The following MRPL15 variants were observed in gnomAD, a reference collection of about 807,000 sequenced individuals.
The protein encoded by MRPL15 is mitochondrial ribosomal protein L15.
A neutral mutation model predicts 28.0 loss-of-function variants in MRPL15; 24 were observed. That is an observed-to-expected ratio of 0.86 (90% confidence interval 0.62 to 1.21). The LOEUF (loss-of-function observed/expected upper bound fraction) is 1.21. MRPL15 is among the 50% of genes most tolerant of loss of function. The probability of loss-of-function intolerance (pLI) is 0.00; values close to 1 mark genes in which losing one functional copy is unlikely to be tolerated. For synonymous variants in MRPL15, 124 were observed against 137.0 expected, an observed-to-expected ratio of 0.90 and a Z score of 0.66; for missense variants, 343 against 372.4, an observed-to-expected ratio of 0.92 and a Z score of 0.65.
At position 54,135,351 on chromosome 8, in the gene MRPL15, G is replaced by C; in HGVS notation, c.68G>C (p.Ser23Thr). ...LDLLRGLPRV[S>T]LANLKPNPGS... ...CTACTCCGGGGCCTGCCGCGTGTGA[G>C]CCTGGCCAACTTAAAGCCGAATCCC... is the stretch of plus-strand genomic sequence containing the variant. The change falls in exon 1 of 5, where the codon AGC becomes ACC. Residue 23 changes from serine (S) to threonine (T), a missense_variant. Physicochemically the swap from Ser to Thr is moderately conservative, Grantham distance 58. Transcript: ENST00000260102. 1 of 1,519,518 alleles carries C rather than the reference G, an allele frequency of 6.6e-7. No homozygotes were observed. The highest frequency in any genetic ancestry group is 8.8e-7 in the Non-Finnish European group (1 of 1,130,670). The allele number at this position is 1,519,518 out of a possible 1,614,324, so 94.1% of individuals were successfully genotyped here.
chr8:54,147,889 C>T lies in MRPL15; in HGVS notation c.*170C>T. Reference sequence around the variant, plus strand: ...AAAATTAAATGGCAGGAAACAAGGACTGCATAGAGAAACTGAGTCTGTGTG... The same window carrying T: ...AAAATTAAATGGCAGGAAACAAGGATTGCATAGAGAAACTGAGTCTGTGTG... On this transcript the variant is annotated 3_prime_UTR_variant, in exon 5 of 5. Transcript: ENST00000260102. 3.3e-6 allele frequency: 2 copies of T among 607,940 alleles called. No individual in the cohort carries two copies. Among genetic ancestry groups the T allele is most frequent in the Non-Finnish European group, 5.5e-6 (2 of 363,180 alleles). 37.7% of individuals were successfully genotyped at this position (607,940 alleles called of 1,614,324 possible). A position where few individuals can be genotyped will look rare whatever the true frequency, so the allele number is the denominator to read the frequency against.
rs1222333384 is a variant in MRPL15, at chr8:54,148,510, C to T, written c.*791C>T. Among the ~76,000 whole-genome samples the T allele has an allele frequency of 1.3e-5, 2 of 152,192 alleles. No individual in the cohort carries two copies. Among genetic ancestry groups the T allele is most frequent in the Non-Finnish European group, 2.9e-5 (2 of 68,038 alleles). ...GGGTCACGGAAGAGAACTGTGGAACCCAGTGACTAGTGTTCAGCTCGATTA... is the reference window on the plus strand; with the variant it reads ...GGGTCACGGAAGAGAACTGTGGAACTCAGTGACTAGTGTTCAGCTCGATTA... On this transcript the variant is annotated 3_prime_UTR_variant, in exon 5 of 5. Transcript: ENST00000260102.
At chr8:54,147,299 A>C in intron 4 of MRPL15, 83 bp from the exon 5 acceptor site, 1 of 997,702 alleles carries the variant, frequency 1.0e-6, no homozygotes, top group Non-Finnish European at 1.5e-6. Flanking sequence ...ACAGAGTTAC[A>C]TCTCTATGTT....
intron 3 of MRPL15, among the ~76,000 whole-genome samples, chr8:54,138,044 T>A (rs1197766509): frequency 6.6e-6 from 1 of 151,886 alleles, no homozygotes; most frequent in Non-Finnish European, 1.5e-5. Context: ...AACCTCTGCC[T>A]CCTGGGTTCA....
intron 3 of MRPL15, 106 bp from the exon 4 acceptor site, chr8:54,142,557 T>A (rs1810947410): frequency 7.5e-7 from 1 of 1,339,132 alleles, no homozygotes; most frequent in Non-Finnish European, 1.0e-6. Context: ...TATTGTTATG[T>A]TATAGGCACT....
At chr8:54,147,167 G>A (rs531593391) in intron 4 of MRPL15, among the ~76,000 whole-genome samples, 1 of 152,280 alleles carries the variant, frequency 6.6e-6, no homozygotes, top group South Asian at 2.1e-4. Context: ...ATGAGGCAGA[G>A]GTTGCAGTGA....
intron 3 of MRPL15, among the ~76,000 whole-genome samples, chr8:54,138,103 C>A (rs534251532): frequency 6.6e-6 from 1 of 151,078 alleles, no homozygotes; most frequent in Admixed American, 6.6e-5. Context: ...TATAGTCGTG[C>A]GCCACCACAC....
chr8:54,140,574 C>CTTTTTTTTTATT (rs1810905681), intron 3 of MRPL15, among the ~76,000 whole-genome samples: 1 of 99,576 alleles, frequency 1.0e-5, no homozygotes, highest in African/African-American at 3.6e-5. Flanking sequence ...ATTTTCTTTT[C>CTTTTTTTTTATT]TTTTTTTTTT....
intron 4 of MRPL15, among the ~76,000 whole-genome samples, chr8:54,143,879 C>T (rs1210138982): frequency 6.6e-6 from 1 of 152,224 alleles, no homozygotes; most frequent in Non-Finnish European, 1.5e-5. Context: ...GGAGCTTCCC[C>T]CACTTGGAAT....
intron 1 of MRPL15, 25 bp downstream of exon 1, chr8:54,135,416 G>A (rs1810810993): frequency 1.3e-6 from 2 of 1,519,854 alleles, no homozygotes; most frequent in South Asian, 1.2e-5. Flanking sequence ...GCGGTGCGGG[G>A]AAGCGCTGGG....
At chr8:54,144,823 C>T (rs1811016857) in intron 4 of MRPL15, among the ~76,000 whole-genome samples, 1 of 152,116 alleles carries the variant, frequency 6.6e-6, no homozygotes, top group Admixed American at 6.6e-5. Context: ...TCCGTTTTCC[C>T]TCTAGTTTAT....
chr8:54,137,415 T>C lies in MRPL15; in HGVS notation c.411T>C (p.Gly137=), dbSNP rs755438801. 13 of 1,613,656 alleles carry C rather than the reference T, an allele frequency of 8.1e-6. No homozygotes were observed. In the East Asian group the frequency reaches 2.5e-4, roughly 30 times the overall value. ...VTIQPLKRDY[G]VQLVEEGADT... is the part of the protein sequence containing the mutation. ...TCCAGCCACTTAAAAGGGATTATGGTGTCCAGCTGGTTGAGGAGGTAAGTC... is the reference window on the plus strand; with the variant it reads ...TCCAGCCACTTAAAAGGGATTATGGCGTCCAGCTGGTTGAGGAGGTAAGTC... Residue 137 remains glycine (G), a synonymous_variant, in exon 3 of 5, where the codon GGT becomes GGC. Transcript: ENST00000260102.
chr8:54,142,842 T>C, intron 4 of MRPL15, 56 bp downstream of exon 4: 1 of 1,604,600 alleles, frequency 6.2e-7, no homozygotes. Context: ...TGTTGGCTAC[T>C]AATTTTAAAT....
chr8:54,137,715 C>T lies in MRPL15; in HGVS notation c.429+282C>T, dbSNP rs369139223. Among the ~76,000 whole-genome samples, 140 of 152,226 alleles carry T rather than the reference C, an allele frequency of 9.2e-4. No individual in the cohort carries two copies. The Middle Eastern group carries it at 0.01, about 11-fold the overall frequency. On this transcript the variant is annotated intron_variant, in intron 3 of 4. Transcript: ENST00000260102. ...CTGACCTTAAGTGATCTGCTCACCT[C>T]GGCCTCCCAAAGTGCTGGAATTACA... is the stretch of plus-strand genomic sequence containing the variant.
intron 3 of MRPL15, among the ~76,000 whole-genome samples, chr8:54,141,902 G>A (rs1296559370): frequency 6.9e-6 from 1 of 145,814 alleles, no homozygotes; most frequent in Non-Finnish European, 1.5e-5. Flanking sequence ...TCCCAGACTG[G>A]AGTGCAGTGG....
rs1353506100 is a variant in MRPL15 at position 54,142,956 on chromosome 8, A to T, written c.553+170A>T. On this transcript the variant is annotated intron_variant, in intron 4 of 4. Coordinates refer to ENST00000260102, the MANE Select transcript of MRPL15 (RefSeq NM_014175.4). ...AAAGAATACAGCCTGTTGCTGACAC[A>T]TACACCAAGGGCAAAAAAGGCTCTC... The T allele has an allele frequency of 6.0e-6, 6 of 1,001,066 alleles. No homozygotes were observed. The Admixed American group carries it at 1.7e-4, about 29-fold the overall frequency. The allele number at this position is 1,001,066 out of a possible 1,614,324, so 62.0% of individuals were successfully genotyped here.
rs2129239178 is a variant in MRPL15 at position 54,135,295 on chromosome 8, C to T, written c.12C>T (p.Pro4=). 1.4e-6 allele frequency: 2 copies of T among 1,394,596 alleles called. No individual in the cohort carries two copies. The highest frequency in any genetic ancestry group is 1.9e-6 in the Non-Finnish European group (2 of 1,066,334). 86.4% of individuals were successfully genotyped at this position (1,394,596 alleles called of 1,614,324 possible). A position where few individuals can be genotyped will look rare whatever the true frequency, so the allele number is the denominator to read the frequency against. Reference sequence around the variant, plus strand: ...TGGATCTGCGGGTTATGGCCGGTCCCTTGCAGGGCGGTGGGGCCCGGGCCC... The same window carrying T: ...TGGATCTGCGGGTTATGGCCGGTCCTTTGCAGGGCGGTGGGGCCCGGGCCC... MAG[P]LQGGGARALD... The change falls in exon 1 of 5, where the codon CCC becomes CCT. Residue 4 remains proline (P), a synonymous_variant. Coordinates refer to ENST00000260102, the MANE Select transcript of MRPL15 (RefSeq NM_014175.4).
At chr8:54,146,942 G>A (rs1431527602) in intron 4 of MRPL15, among the ~76,000 whole-genome samples, 3 of 152,092 alleles carry the variant, frequency 2.0e-5, no homozygotes, top group Admixed American at 2.0e-4. Context: ...AGTAAAATTG[G>A]TTTTCCAGAT....
rs1337587137 is a variant in MRPL15, at chr8:54,147,845, A to G, written c.*126A>G. 4 of 787,156 alleles carry G rather than the reference A, an allele frequency of 5.1e-6. No individual in the cohort carries two copies. Among genetic ancestry groups the G allele is most frequent in the Non-Finnish European group, 7.8e-6 (4 of 512,788 alleles). 48.8% of individuals were successfully genotyped at this position (787,156 alleles called of 1,614,324 possible). The stretch of plus-strand genomic sequence containing the variant: ...GGTGATGTTACTTTTCAGTGTACTC[A>G]TATGTCTCATTTTCATCTAAAATTA... On this transcript the variant is annotated 3_prime_UTR_variant, in exon 5 of 5. Coordinates refer to ENST00000260102, the MANE Select transcript of MRPL15 (RefSeq NM_014175.4).
Sources: allele counts gnomAD v4.1 joint callset (sites outside exome capture counted in the v4.1 genomes callset), GRCh38; gene constraint gnomAD v4.1.1; transcripts MANE v1.5; gene names NCBI Gene and HGNC (gene_info 2026-07-23, HGNC 2026-07-21).